PIK3R6: variants seen among roughly 807,000 people sequenced by gnomAD.
The protein encoded by PIK3R6 is phosphoinositide-3-kinase regulatory subunit 6, also known as phosphoinositide 3-kinase regulatory subunit 6.
PIK3R6 carries 91 observed loss-of-function variants against 84.9 expected under a neutral mutation model. That is an observed-to-expected ratio of 1.07 (90% CI 0.90 to 1.28). The LOEUF is 1.28. Among genes scored for constraint, PIK3R6 ranks in the 50% most tolerant of loss-of-function variants. The probability of loss-of-function intolerance (pLI) is 0.00; values close to 1 mark genes in which losing one functional copy is unlikely to be tolerated. For missense variants in PIK3R6, 996 were observed against 985.1 expected (o/e 1.01, Z -0.15); for synonymous variants, 416 against 411.4 (o/e 1.01, Z -0.13).
At chr17:8,837,960 A>G in intron 4 of PIK3R6, 89 bp from the exon 5 acceptor site, 2 of 1,171,456 alleles carry the variant, frequency 1.7e-6, no homozygotes, top group South Asian at 2.5e-5. Flanking sequence ...AGTGGGCAGG[A>G]GATGGGGTGG....
At position 8,844,901 on chromosome 17, in the gene PIK3R6, C is replaced by T. The variant is rs1453434312; in HGVS notation, c.13+4881G>A. On this transcript the variant is annotated intron_variant, in intron 2 of 19. Transcript: ENST00000619866. The surrounding 1 kb of genome is among the most constrained non-coding windows in gnomAD (Gnocchi z 4.5). Reference sequence around the variant, plus strand: ...ATGAGTACCCAAAGTTTAGCTCCCACCTATAAGTGAGAACATGCAGTATTT... The same window carrying T: ...ATGAGTACCCAAAGTTTAGCTCCCATCTATAAGTGAGAACATGCAGTATTT... Among the ~76,000 whole-genome samples the T allele has an allele frequency of 1.3e-5, 2 of 152,242 alleles. No individual in the cohort carries two copies. Among genetic ancestry groups the T allele is most frequent in the African/African-American group, 4.8e-5 (2 of 41,560 alleles).
At chr17:8,819,653 T>A (rs1435868899) in intron 17 of PIK3R6, among the ~76,000 whole-genome samples, 1 of 145,330 alleles carries the variant, frequency 6.9e-6, no homozygotes, top group African/African-American at 2.6e-5. Flanking sequence ...TTTCTTTTTT[T>A]ATTATTATTT....
rs576319081 is a variant in PIK3R6 at position 8,835,333 on chromosome 17, G to A, written c.585C>T (p.His195=). The A allele has an allele frequency of 1.7e-5, 27 of 1,609,254 alleles. No homozygotes were observed. The highest frequency in any genetic ancestry group is 1.7e-4 in the South Asian group (15 of 90,588). ...CCTCCCCCAGAGCCGCCTGCAGGGCGTGGGAGACCACGTGGCGCATGCAGG... is the reference window on the plus strand; with the variant it reads ...CCTCCCCCAGAGCCGCCTGCAGGGCATGGGAGACCACGTGGCGCATGCAGG... The part of the protein sequence containing the change: ...PETCMRHVVS[H]ALQAALGEAC... The change falls in exon 8 of 20, where the codon CAC becomes CAT. Residue 195 remains histidine, a synonymous_variant. Transcript: ENST00000619866.
At position 8,835,591 on chromosome 17, in the gene PIK3R6, A is replaced by G. The variant is rs1262419852; in HGVS notation, c.462-135T>C. Reference sequence around the variant, plus strand: ...GCTAAAAAGAGGAGTCTCAGATTCAAAAGTCTCTGGGTGGGATGACAATAG... The same window carrying G: ...GCTAAAAAGAGGAGTCTCAGATTCAGAAGTCTCTGGGTGGGATGACAATAG... On this transcript the variant is annotated intron_variant, in intron 7 of 19. Coordinates refer to ENST00000619866, the MANE Select transcript of PIK3R6 (RefSeq NM_001010855.4). The G allele has an allele frequency of 4.0e-6, 3 of 754,784 alleles. No homozygotes were observed. In the African/African-American group the frequency reaches 5.2e-5, roughly 13 times the overall value. 46.8% of individuals were successfully genotyped at this position (754,784 alleles called of 1,614,324 possible).
intron 1 of PIK3R6, among the ~76,000 whole-genome samples, chr17:8,852,640 G>C (rs2089002235): frequency 6.6e-6 from 1 of 151,918 alleles, no homozygotes; most frequent in Non-Finnish European, 1.5e-5. Flanking sequence ...TTGGGAGGCT[G>C]AGGTAGGAGA....
At chr17:8,836,645 G>A (rs898920955) in intron 6 of PIK3R6, 29 bp from the exon 7 acceptor site, 2 of 1,613,774 alleles carry the variant, frequency 1.2e-6, no homozygotes, top group Non-Finnish European at 1.7e-6. Context: ...TGGCCAAACA[G>A]CCCCCAAGTC....
chr17:8,850,132 C>CAAACATG (rs2088911184), intron 1 of PIK3R6, among the ~76,000 whole-genome samples: 2 of 151,874 alleles, frequency 1.3e-5, no homozygotes, highest in Non-Finnish European at 2.9e-5. Flanking sequence ...GGTGAAACCC[C>CAAACATG]GTCTCTACTA....
intron 18 of PIK3R6, among the ~76,000 whole-genome samples, chr17:8,809,409 G>T (rs2087290669): frequency 6.6e-6 from 1 of 152,116 alleles, no homozygotes; most frequent in African/African-American, 2.4e-5. Flanking sequence ...AAGCAACTAG[G>T]TAATAATTAT....
chr17:8,804,220 T>C, intron 18 of PIK3R6, 67 bp from the exon 19 acceptor site: 1 of 1,290,264 alleles, frequency 7.8e-7, no homozygotes, highest in Non-Finnish European at 1.1e-6. Context: ...CAACATGCCC[T>C]ACCCTGGAAT....
At chr17:8,818,451 C>A (rs576517913) in intron 18 of PIK3R6, among the ~76,000 whole-genome samples, 1 of 152,246 alleles carries the variant, frequency 6.6e-6, no homozygotes, top group African/African-American at 2.4e-5. Context: ...GAATTCGAGA[C>A]CAGCCTGGTC....
intron 18 of PIK3R6, among the ~76,000 whole-genome samples, chr17:8,804,450 T>C (rs2087139863): frequency 6.6e-6 from 1 of 152,190 alleles, no homozygotes; most frequent in East Asian, 1.9e-4. Flanking sequence ...TGAACTCGAG[T>C]GTTGATTTCT....
chr17:8,819,707 C>CACAT (rs2087660301), intron 17 of PIK3R6, among the ~76,000 whole-genome samples: 1 of 143,960 alleles, frequency 6.9e-6, no homozygotes, highest in Non-Finnish European at 1.5e-5. Context: ...CACACACACA[C>CACAT]ATATATATAC....
intron 8 of PIK3R6, among the ~76,000 whole-genome samples, chr17:8,833,529 CT>C (rs1285730994): frequency 6.7e-6 from 1 of 149,522 alleles, no homozygotes; most frequent in African/African-American, 2.5e-5. Context: ...GAAGCCCCCC[CT>C]GAGAAAGTGA....
chr17:8,821,326 C>G (rs1481208997), intron 17 of PIK3R6, among the ~76,000 whole-genome samples: 6 of 152,128 alleles, frequency 3.9e-5, no homozygotes, highest in Admixed American at 6.6e-5. Flanking sequence ...GTTACTAATA[C>G]TAATAGTATC....
chr17:8,850,349 A>C (rs2151297146), intron 1 of PIK3R6, among the ~76,000 whole-genome samples: 1 of 152,118 alleles, frequency 6.6e-6, no homozygotes, highest in South Asian at 2.1e-4. Context: ...TATAGTGCTT[A>C]CTATGTGCCA....
chr17:8,815,741 C>T (rs1241999596), intron 18 of PIK3R6, among the ~76,000 whole-genome samples: 1 of 151,946 alleles, frequency 6.6e-6, no homozygotes, highest in African/African-American at 2.4e-5. Context: ...GACTAGAAAG[C>T]AAAATAAAAC....
Position 8,827,312 on chromosome 17 carries a change from G to C in PIK3R6, c.1393-18C>G, listed in dbSNP as rs1567582965. The C allele has an allele frequency of 6.5e-7, 1 of 1,548,404 alleles. No homozygotes were observed. Among genetic ancestry groups the C allele is most frequent in the East Asian group, 2.4e-5 (1 of 40,930 alleles). On this transcript the variant is annotated intron_variant, in intron 12 of 19. Transcript: ENST00000619866. ...GCAGGCTTCTGGGGGAAAGGGGATG[G>C]GGCAGACCCGTCAGGCCCTCTCTCC... is the stretch of plus-strand genomic sequence containing the variant.
rs1364990797 is a variant in PIK3R6 at position 8,855,225 on chromosome 17, A to AAACAAAACAAAAC, written c.-91-5341_-91-5340insGTTTTGTTTTGTT. Among the ~76,000 whole-genome samples, 326 of 135,230 alleles carry AAACAAAACAAAAC rather than the reference A, an allele frequency of 2.4e-3. 2 individuals are homozygous for AAACAAAACAAAAC. Among genetic ancestry groups the AAACAAAACAAAAC allele is most frequent in the African/African-American group, 0.012 (314 of 25,906 alleles). 88.7% of individuals were successfully genotyped at this position (135,230 alleles called of 152,430 possible). On this transcript the variant is annotated intron_variant, in intron 1 of 19. Coordinates refer to ENST00000619866, the MANE Select transcript of PIK3R6 (RefSeq NM_001010855.4). ...AAACAAAACAAAACAAAACAAAACA[A>AAACAAAACAAAAC]AACAACAATAAAATAAAATAAAATA...
chr17:8,842,799 T>G lies in PIK3R6; in HGVS notation c.14-3102A>C, dbSNP rs2151284537. Reference sequence around the variant, plus strand: ...GACAGGGATCTCTCTTCTTGGCTCCTTTTTGGTCCTCCTGCTTTATATTCT... The same window carrying G: ...GACAGGGATCTCTCTTCTTGGCTCCGTTTTGGTCCTCCTGCTTTATATTCT... On this transcript the variant is annotated intron_variant, in intron 2 of 19. Transcript: ENST00000619866. The surrounding 1 kb of genome is among the most constrained non-coding windows in gnomAD (Gnocchi z 4.5). Among the ~76,000 whole-genome samples, 1 of 152,324 alleles carries G rather than the reference T, an allele frequency of 6.6e-6. No individual in the cohort carries two copies. The highest frequency in any genetic ancestry group is 2.4e-5 in the African/African-American group (1 of 41,570).
Sources: allele counts gnomAD v4.1 joint callset (sites outside exome capture counted in the v4.1 genomes callset), GRCh38; gene constraint gnomAD v4.1.1; non-coding constraint Gnocchi (gnomAD v3.1); transcripts MANE v1.5; gene names NCBI Gene and HGNC (gene_info 2026-07-23, HGNC 2026-07-21).